Variants in KAZN observed in about 807,000 individuals in gnomAD.
The protein encoded by KAZN is kazrin.
Under a neutral mutation model 87.4 loss-of-function variants are expected in KAZN, and 40 were observed. That is an observed-to-expected ratio of 0.46 (90% CI 0.36 to 0.60). KAZN has a LOEUF of 0.60. Among genes scored for constraint, KAZN ranks in the 20% least tolerant of loss-of-function variants. KAZN has a pLI of 0.00. For missense variants in KAZN, 898 were observed against 1,073.9 expected, an observed-to-expected ratio of 0.84 and a Z score of 2.29; for synonymous variants, 466 against 458.3, an observed-to-expected ratio of 1.02 and a Z score of -0.22.
At chr1:13,909,032 G>A (rs1639552719) in intron 1 of KAZN, among the ~76,000 whole-genome samples, 1 of 152,206 alleles carries the variant, frequency 6.6e-6, no homozygotes, top group Non-Finnish European at 1.5e-5. Flanking sequence ...GGTGGGTGAA[G>A]TCCACCAAGT....
chr1:14,561,821 T>C (rs1253097824), intron 2 of KAZN, among the ~76,000 whole-genome samples: 1 of 151,882 alleles, frequency 6.6e-6, no homozygotes, highest in Non-Finnish European at 1.5e-5. Context: ...GGAGAATCGC[T>C]TGAACCCAGG....
At chr1:14,108,007 T>C (rs1176601526) in intron 1 of KAZN, among the ~76,000 whole-genome samples, 1 of 152,144 alleles carries the variant, frequency 6.6e-6, no homozygotes, top group African/African-American at 2.4e-5. Context: ...CTCTGCTGAA[T>C]TTCAGAATCT....
rs893527180 is a variant in KAZN at position 15,077,875 on chromosome 1, A to G, written c.1222+12122A>G. ...AGGGGGTGTGAGGAAAGCTAATATG[A>G]CTTGCTGACATTTACTAAGTGCCTA... On this transcript the variant is annotated intron_variant, in intron 8 of 14. Transcript: ENST00000376030. This position sits in a 1 kb window ranked among gnomAD's most constrained non-coding sequence, Gnocchi z 4.8. Among the ~76,000 whole-genome samples, 19 of 152,070 alleles carry G rather than the reference A, an allele frequency of 1.2e-4. No individual in the cohort carries two copies. The highest frequency in any genetic ancestry group is 4.6e-4 in the African/African-American group (19 of 41,390).
intron 2 of KAZN, among the ~76,000 whole-genome samples, chr1:14,322,191 T>G (rs1024675842): frequency 2.0e-5 from 3 of 152,136 alleles, no homozygotes; most frequent in Non-Finnish European, 4.4e-5. Context: ...CTCAGGAGAT[T>G]GAGGCAGGAG....
chr1:15,080,848 T>G (rs1197320151), intron 8 of KAZN, among the ~76,000 whole-genome samples: 1 of 152,196 alleles, frequency 6.6e-6, no homozygotes, highest in Non-Finnish European at 1.5e-5. Context: ...CCTTAGGGCA[T>G]GCTGGGGACG....
chr1:14,373,220 T>C (rs201576633), intron 2 of KAZN, among the ~76,000 whole-genome samples: 6,833 of 149,414 alleles, frequency 0.046, 343 homozygotes, highest in Admixed American at 0.14. Flanking sequence ...TATATATATA[T>C]ATATATGCAC....
At chr1:14,441,920 C>A (rs1213872179) in intron 2 of KAZN, among the ~76,000 whole-genome samples, 1 of 152,160 alleles carries the variant, frequency 6.6e-6, no homozygotes, top group Non-Finnish European at 1.5e-5. Flanking sequence ...AGTCAAGTAA[C>A]CTTCTGAGCC....
chr1:13,944,372 G>C (rs1469834605), intron 1 of KAZN, among the ~76,000 whole-genome samples: 1 of 152,164 alleles, frequency 6.6e-6, no homozygotes, highest in Non-Finnish European at 1.5e-5. Flanking sequence ...GTCTAGAAAT[G>C]GGAATGGAGA....
intron 2 of KAZN, among the ~76,000 whole-genome samples, chr1:14,536,447 T>C (rs1672510682): frequency 6.6e-6 from 1 of 152,180 alleles, no homozygotes. Flanking sequence ...GTCAGATGTG[T>C]ATGCCTTCCA....
chr1:14,189,423 C>A (rs1166142166), intron 2 of KAZN, among the ~76,000 whole-genome samples: 1 of 152,094 alleles, frequency 6.6e-6, no homozygotes, highest in African/African-American at 2.4e-5. Context: ...CTTAAAAAAC[C>A]ATCCCAAAAC....
At chr1:15,046,069 G>T (rs1557750597) in intron 4 of KAZN, among the ~76,000 whole-genome samples, 1 of 152,196 alleles carries the variant, frequency 6.6e-6, no homozygotes, top group Non-Finnish European at 1.5e-5. Flanking sequence ...AGACCGAGGA[G>T]GGTGGATCAC....
At chr1:14,620,419 C>T (rs1381925577) in intron 1 of KAZN, among the ~76,000 whole-genome samples, 3 of 152,222 alleles carry the variant, frequency 2.0e-5, no homozygotes, top group African/African-American at 4.8e-5. Flanking sequence ...TAATTATCAC[C>T]GTTGTTATTA....
intron 1 of KAZN, among the ~76,000 whole-genome samples, chr1:14,638,581 A>AAAAAACAAAAAAC (rs1553201087): frequency 5.0e-5 from 2 of 39,642 alleles, no homozygotes; most frequent in African/African-American, 1.8e-4. Context: ...AAAAAAAACA[A>AAAAAACAAAAAAC]AAAAAAAAAA....
intron 2 of KAZN, among the ~76,000 whole-genome samples, chr1:14,993,492 A>G (rs1341379530): frequency 6.6e-6 from 1 of 151,834 alleles, no homozygotes; most frequent in African/African-American, 2.4e-5. Flanking sequence ...AATCATCATC[A>G]TCATCATCAG....
rs118054843 is a variant in KAZN, at chr1:15,058,060, C to T, written c.916+1780C>T. The stretch of plus-strand genomic sequence containing the variant: ...CAGGAAGCCTTCCGTGCTCTCTCCC[C>T]TGTGTCCTCTATGCTCCTGTAAAGT... On this transcript the variant is annotated intron_variant, in intron 5 of 14. Coordinates refer to ENST00000376030, the MANE Select transcript of KAZN (RefSeq NM_201628.3). Among the ~76,000 whole-genome samples the T allele has an allele frequency of 1.4e-3, 207 of 152,334 alleles. 4 individuals are homozygous for T. In the East Asian group the frequency reaches 0.037, roughly 28 times the overall value.
At chr1:14,356,609 G>A (rs1188440247) in intron 2 of KAZN, among the ~76,000 whole-genome samples, 2 of 152,172 alleles carry the variant, frequency 1.3e-5, no homozygotes, top group Admixed American at 6.5e-5. Context: ...TGTATAAGGT[G>A]TAAGGAAGGG....
chr1:14,487,118 G>A (rs974019371), intron 2 of KAZN, among the ~76,000 whole-genome samples: 1 of 152,136 alleles, frequency 6.6e-6, no homozygotes, highest in African/African-American at 2.4e-5. Context: ...AAATCAACAG[G>A]GTTGCACTTT....
intron 2 of KAZN, among the ~76,000 whole-genome samples, chr1:14,413,830 AG>A (rs1664520919): frequency 6.6e-6 from 1 of 152,208 alleles, no homozygotes; most frequent in Non-Finnish European, 1.5e-5. Flanking sequence ...AATATACAAA[AG>A]TTATATCCAC....
intron 2 of KAZN, among the ~76,000 whole-genome samples, chr1:14,207,977 C>T (rs903569908): frequency 1.3e-5 from 2 of 152,220 alleles, no homozygotes; most frequent in Admixed American, 6.5e-5. Flanking sequence ...TCCTGATGCA[C>T]ATGCTTCACA....
Sources: allele counts gnomAD v4.1 joint callset (sites outside exome capture counted in the v4.1 genomes callset), GRCh38; gene constraint gnomAD v4.1.1; non-coding constraint Gnocchi (gnomAD v3.1); transcripts MANE v1.5; gene names NCBI Gene and HGNC (gene_info 2026-07-23, HGNC 2026-07-21).